ANO3: variants seen among roughly 807,000 people sequenced by gnomAD.
ANO3 encodes the protein anoctamin 3.
Under a neutral mutation model 144.8 loss-of-function variants are expected in ANO3, and 99 were observed. The observed-to-expected ratio is 0.68, with a 90% CI of 0.58 to 0.81. ANO3 has a LOEUF of 0.81. Among genes scored for constraint, ANO3 ranks in the 30% least tolerant of loss-of-function variants. The pLI is 0.00. For synonymous variants in ANO3, 414 were observed against 392.6 expected (o/e 1.05, Z -0.64); for missense variants, 905 against 1,202.2 (o/e 0.75, Z 3.66).
At chr11:26,444,033 G>A (rs1288224895) in intron 3 of ANO3, among the ~76,000 whole-genome samples, 197 bp downstream of exon 3, 2 of 152,122 alleles carry the variant, frequency 1.3e-5, no homozygotes, top group African/African-American at 2.4e-5. Flanking sequence ...GAGGATTTAT[G>A]ATGAGCAACA....
At chr11:26,637,477 C>A (rs1160168017) in intron 20 of ANO3, among the ~76,000 whole-genome samples, 1 of 152,136 alleles carries the variant, frequency 6.6e-6, no homozygotes, top group African/African-American at 2.4e-5. Flanking sequence ...TGGCCTTGGG[C>A]AAGTCAGCTT....
intron 17 of ANO3, among the ~76,000 whole-genome samples, chr11:26,616,245 A>G (rs1485246324): frequency 1.3e-5 from 2 of 152,186 alleles, no homozygotes; most frequent in African/African-American, 4.8e-5. Context: ...AATGCCACTC[A>G]TCTCCCTTCT....
intron 1 of ANO3, among the ~76,000 whole-genome samples, chr11:26,215,712 AC>A (rs59579285): frequency 0.3 from 45,853 of 151,794 alleles, 7,659 homozygotes; most frequent in Non-Finnish European, 0.37. Context: ...CTGTATATAT[AC>A]TTTTAACTAT....
At chr11:26,455,627 T>G (rs1306693477) in intron 3 of ANO3, among the ~76,000 whole-genome samples, 1 of 152,034 alleles carries the variant, frequency 6.6e-6, no homozygotes, top group Admixed American at 6.6e-5. Context: ...GAATCAATAT[T>G]GTGAAAATGG....
intron 3 of ANO3, among the ~76,000 whole-genome samples, chr11:26,453,656 C>T (rs1386901153): frequency 6.6e-6 from 1 of 152,104 alleles, no homozygotes; most frequent in Non-Finnish European, 1.5e-5. Context: ...CCACTGTCAA[C>T]ATTAGACAGA....
chr11:26,541,708 A>G (rs377055739), intron 10 of ANO3, among the ~76,000 whole-genome samples: 1 of 152,270 alleles, frequency 6.6e-6, no homozygotes, highest in African/African-American at 2.4e-5. Context: ...TTTAAGCTAA[A>G]TGGGTTCCAT....
intron 14 of ANO3, among the ~76,000 whole-genome samples, chr11:26,564,361 T>C (rs1850429993): frequency 1.3e-5 from 2 of 151,558 alleles, no homozygotes; most frequent in Non-Finnish European, 3.0e-5. Flanking sequence ...ATATGATTTG[T>C]TTTTTACATT....
chr11:26,424,369 C>T (rs879911459), intron 1 of ANO3, among the ~76,000 whole-genome samples: 4 of 151,734 alleles, frequency 2.6e-5, no homozygotes, highest in Non-Finnish European at 4.4e-5. Context: ...CTTTATTACT[C>T]TCTATTATAT....
chr11:26,246,412 T>A (rs1852794960), intron 1 of ANO3, among the ~76,000 whole-genome samples: 1 of 150,180 alleles, frequency 6.7e-6, no homozygotes. Context: ...ATTTTCTAAT[T>A]TTTATCAATC....
rs1856070814 is a variant in ANO3, at chr11:26,366,009, T to G, written c.46+33688T>G. Among the ~76,000 whole-genome samples the G allele has an allele frequency of 6.7e-5, 8 of 119,044 alleles. 1 individual carries two copies. The South Asian group carries it at 2.0e-3, about 30-fold the overall frequency. 78.1% of individuals were successfully genotyped at this position (119,044 alleles called of 152,430 possible). The stretch of plus-strand genomic sequence containing the variant: ...ATATATATATATATATATATTTTAA[T>G]TATACTTTAAGTTCTAGGGTACATG... On this transcript the variant is annotated intron_variant, in intron 1 of 26. Transcript: ENST00000256737.
At chr11:26,568,073 T>C (rs1850667022) in intron 14 of ANO3, among the ~76,000 whole-genome samples, 1 of 152,050 alleles carries the variant, frequency 6.6e-6, no homozygotes, top group Non-Finnish European at 1.5e-5. Context: ...CATAGGTGTT[T>C]GTATTTGTGA....
At chr11:26,623,676 A>G (rs1000762535) in intron 17 of ANO3, among the ~76,000 whole-genome samples, 2 of 152,164 alleles carry the variant, frequency 1.3e-5, no homozygotes, top group Non-Finnish European at 2.9e-5. Context: ...CTTTTATCAT[A>G]GTTTAGAAAT....
At chr11:26,633,956 T>A (rs998528881) in intron 18 of ANO3, among the ~76,000 whole-genome samples, 28 of 151,780 alleles carry the variant, frequency 1.8e-4, no homozygotes, top group Non-Finnish European at 3.5e-4. Flanking sequence ...CGGGCGCTTA[T>A]AATCCCAGCT....
intron 11 of ANO3, among the ~76,000 whole-genome samples, chr11:26,543,448 A>C (rs1001634524): frequency 3.9e-5 from 5 of 127,138 alleles, no homozygotes; most frequent in Non-Finnish European, 6.7e-5. Flanking sequence ...CCACCACCAA[A>C]CGCTTTTAAT....
At chr11:26,246,152 A>G (rs992899766) in intron 1 of ANO3, among the ~76,000 whole-genome samples, 1 of 152,112 alleles carries the variant, frequency 6.6e-6, no homozygotes, top group Non-Finnish European at 1.5e-5. Flanking sequence ...ATGTCAAAGC[A>G]CCGTATTTGT....
intron 13 of ANO3, among the ~76,000 whole-genome samples, chr11:26,558,308 A>G (rs1356920047): frequency 2.0e-5 from 3 of 152,120 alleles, no homozygotes; most frequent in Non-Finnish European, 4.4e-5. Flanking sequence ...TTAAATCCCC[A>G]TGTGTAAAGT....
intron 1 of ANO3, among the ~76,000 whole-genome samples, chr11:26,376,212 C>T (rs1856402153): frequency 6.6e-6 from 1 of 151,994 alleles, no homozygotes; most frequent in Admixed American, 6.6e-5. Flanking sequence ...ATCCATAAAC[C>T]TTTCAACAAC....
chr11:26,484,177 G>A (rs1240864869), intron 4 of ANO3, among the ~76,000 whole-genome samples: 1 of 152,092 alleles, frequency 6.6e-6, no homozygotes, highest in Non-Finnish European at 1.5e-5. Flanking sequence ...GGGAAACAGA[G>A]CATAAAAGTT....
intron 12 of ANO3, 48 bp from the exon 13 acceptor site, chr11:26,553,201 A>G (rs945338821): frequency 8.1e-7 from 1 of 1,234,744 alleles, no homozygotes; most frequent in African/African-American, 1.5e-5. Context: ...TCTTAGTCAC[A>G]GTTTCATGCT....
Sources: allele counts gnomAD v4.1 joint callset (sites outside exome capture counted in the v4.1 genomes callset), GRCh38; gene constraint gnomAD v4.1.1; transcripts MANE v1.5; gene names NCBI Gene and HGNC (gene_info 2026-07-23, HGNC 2026-07-21).